PHF20: variants seen among roughly 807,000 people sequenced by gnomAD.
PHF20 encodes the protein PHD finger protein 20, also known as glioma-expressed antigen 2.
A neutral mutation model predicts 113.5 loss-of-function variants in PHF20; 23 were observed. The ratio of observed to expected loss-of-function variants is 0.20; its 90% CI spans 0.15 to 0.29. PHF20 has a LOEUF of 0.29. Ranked by LOEUF, PHF20 falls within the 10% of genes least tolerant of loss-of-function variation. PHF20 has a pLI of 1.00. For missense variants in PHF20, 943 were observed against 1,219.6 expected, an observed-to-expected ratio of 0.77 and a Z score of 3.38; for synonymous variants, 434 against 457.3, an observed-to-expected ratio of 0.95 and a Z score of 0.65.
At chr20:35,907,228 C>A (rs1192340620) in intron 10 of PHF20, among the ~76,000 whole-genome samples, 1 of 152,162 alleles carries the variant, frequency 6.6e-6, no homozygotes, top group Non-Finnish European at 1.5e-5. Flanking sequence ...AAATCAGTGA[C>A]TGGATGGAAT....
At chr20:35,945,733 C>T (rs1368076545) in intron 17 of PHF20, among the ~76,000 whole-genome samples, 1 of 152,102 alleles carries the variant, frequency 6.6e-6, no homozygotes, top group Non-Finnish European at 1.5e-5. Context: ...GGTCTCTCCC[C>T]AAATGCCAGA....
chr20:35,924,335 C>G (rs982690285), intron 13 of PHF20, among the ~76,000 whole-genome samples: 2 of 151,468 alleles, frequency 1.3e-5, no homozygotes, highest in African/African-American at 4.9e-5. Context: ...GCTGGGATTA[C>G]AGGCATGCAC....
intron 9 of PHF20, among the ~76,000 whole-genome samples, chr20:35,894,375 C>G (rs2054937970): frequency 6.6e-6 from 1 of 152,214 alleles, no homozygotes; most frequent in Non-Finnish European, 1.5e-5. Flanking sequence ...TTCTCCAAAT[C>G]TTTGAAATAG....
chr20:35,922,630 A>G (rs1013370376), intron 13 of PHF20, among the ~76,000 whole-genome samples: 3 of 152,254 alleles, frequency 2.0e-5, no homozygotes, highest in African/African-American at 7.2e-5. Flanking sequence ...TATTTGAGAA[A>G]TCTGGCTACC....
intron 15 of PHF20, among the ~76,000 whole-genome samples, chr20:35,936,639 A>G (rs1199856392): frequency 6.6e-6 from 1 of 152,196 alleles, no homozygotes; most frequent in Non-Finnish European, 1.5e-5. Flanking sequence ...AATTTTTAGA[A>G]GCTTTATCAT....
At chr20:35,909,563 A>T (rs1239315831) in intron 10 of PHF20, among the ~76,000 whole-genome samples, 2 of 152,168 alleles carry the variant, frequency 1.3e-5, no homozygotes, top group East Asian at 3.9e-4. Context: ...GCATCTGACC[A>T]TGTTTTGCCA....
chr20:35,881,798 A>G (rs1412629315), intron 9 of PHF20, among the ~76,000 whole-genome samples: 1 of 152,220 alleles, frequency 6.6e-6, no homozygotes, highest in Non-Finnish European at 1.5e-5. Flanking sequence ...CTTGTCTCCC[A>G]TAGTCCCATG....
chr20:35,894,742 G>A (rs2054945506), intron 9 of PHF20, among the ~76,000 whole-genome samples: 1 of 152,348 alleles, frequency 6.6e-6, no homozygotes, highest in African/African-American at 2.4e-5. Context: ...GAGGCAAGGG[G>A]TGTAGGTGGA....
At chr20:35,810,023 G>A (rs1024388461) in intron 2 of PHF20, among the ~76,000 whole-genome samples, 3 of 152,026 alleles carry the variant, frequency 2.0e-5, no homozygotes, top group Non-Finnish European at 2.9e-5. Flanking sequence ...TCCGCCTCCT[G>A]AGTTCAAGCG....
At chr20:35,925,600 G>A (rs2055613369) in intron 13 of PHF20, among the ~76,000 whole-genome samples, 1 of 151,924 alleles carries the variant, frequency 6.6e-6, no homozygotes, top group Admixed American at 6.6e-5. Flanking sequence ...TTAACCCAAG[G>A]ATAATTGATA....
chr20:35,914,908 G>A (rs1281899453), intron 12 of PHF20, among the ~76,000 whole-genome samples: 4 of 146,050 alleles, frequency 2.7e-5, no homozygotes, highest in South Asian at 4.3e-4. Context: ...AGGTTGCAGC[G>A]AGCCAAGATC....
chr20:35,866,608 A>T (rs2146980478), intron 6 of PHF20, among the ~76,000 whole-genome samples: 1 of 152,336 alleles, frequency 6.6e-6, no homozygotes, highest in Non-Finnish European at 1.5e-5. Flanking sequence ...ACTGGCAGAA[A>T]TCTGACATGT....
rs376888832 is a variant in PHF20, at chr20:35,903,077, C to CTTTT, written c.1561+3444_1561+3447dup. On this transcript the variant is annotated intron_variant, in intron 10 of 17. Coordinates refer to ENST00000374012, the MANE Select transcript of PHF20 (RefSeq NM_016436.5). ...CCTTTCCTTTCCTTTCCTATCCTTT[C>CTTTT]TTTTTTTTTTTTTTTTTTGAGTAAT... Among the ~76,000 whole-genome samples, 73 of 59,992 alleles carry CTTTT rather than the reference C, an allele frequency of 1.2e-3. 1 individual carries two copies. The highest frequency in any genetic ancestry group is 3.0e-3 in the African/African-American group (45 of 14,962). 39.4% of individuals were successfully genotyped at this position (59,992 alleles called of 152,430 possible). A position where few individuals can be genotyped will look rare whatever the true frequency, so the allele number is the denominator to read the frequency against.
At chr20:35,938,632 A>G in intron 15 of PHF20, 65 bp from the exon 16 acceptor site, 1 of 1,471,606 alleles carries the variant, frequency 6.8e-7, no homozygotes, top group East Asian at 2.3e-5. Context: ...AGTATTTAGG[A>G]ATTGAGAACC....
intron 2 of PHF20, among the ~76,000 whole-genome samples, chr20:35,838,016 G>T (rs1320677220): frequency 6.6e-6 from 1 of 152,156 alleles, no homozygotes; most frequent in East Asian, 1.9e-4. Context: ...GGTTTGTTTA[G>T]GTCTGCAGAG....
At chr20:35,799,907 C>T (rs1188653618) in intron 1 of PHF20, among the ~76,000 whole-genome samples, 4 of 152,102 alleles carry the variant, frequency 2.6e-5, no homozygotes, top group Non-Finnish European at 4.4e-5. Flanking sequence ...CCTTGTGATC[C>T]GCCTGCCTCG....
At chr20:35,920,637 T>C (rs969656267) in intron 13 of PHF20, among the ~76,000 whole-genome samples, 2 of 152,154 alleles carry the variant, frequency 1.3e-5, no homozygotes, top group African/African-American at 2.4e-5. Flanking sequence ...ACATTTACAG[T>C]TGAGAAGTGA....
At chr20:35,858,279 C>T in intron 4 of PHF20, 23 bp from the exon 5 acceptor site, 2 of 1,263,832 alleles carry the variant, frequency 1.6e-6, no homozygotes, top group Non-Finnish European at 2.3e-6. Context: ...GAGTTAAAAT[C>T]ATGATATCTT....
At chr20:35,836,694 A>G (rs2042446323) in intron 2 of PHF20, among the ~76,000 whole-genome samples, 1 of 152,026 alleles carries the variant, frequency 6.6e-6, no homozygotes, top group Admixed American at 6.6e-5. Context: ...AATACAAAAA[A>G]TTAGCCGGGC....
Sources: allele counts gnomAD v4.1 joint callset (sites outside exome capture counted in the v4.1 genomes callset), GRCh38; gene constraint gnomAD v4.1.1; transcripts MANE v1.5; gene names NCBI Gene and HGNC (gene_info 2026-07-23, HGNC 2026-07-21).